Variants in ANKRD36B observed in about 807,000 individuals in gnomAD.
ANKRD36B encodes ankyrin repeat domain-containing protein 36B.
A neutral mutation model predicts 135.7 loss-of-function variants in ANKRD36B; 37 were observed. The observed-to-expected ratio is 0.27, with a 90% confidence interval of 0.21 to 0.36. The LOEUF (loss-of-function observed/expected upper bound fraction) is 0.36, where lower values mean the gene tolerates loss of function less well. Among genes scored for constraint, ANKRD36B ranks in the 10% least tolerant of loss-of-function variants. ANKRD36B has a pLI of 1.00. For synonymous variants in ANKRD36B, 179 were observed against 348.1 expected (o/e 0.51, Z 5.41); for missense variants, 549 against 1,037.1 (o/e 0.53, Z 6.46).
At position 97,551,297 on chromosome 2, in the gene ANKRD36B, G is replaced by A. The variant is rs1298319759; in HGVS notation, c.1367C>T (p.Ser456Phe). 7 of 1,561,246 alleles carry A rather than the reference G, an allele frequency of 4.5e-6. No individual in the cohort carries two copies. Among genetic ancestry groups the A allele is most frequent in the African/African-American group, 1.4e-5 (1 of 73,616 alleles). ...GTGTTTCGCAAAATTACCTGTCCTA[G>A]ATATTTCTCCATCCTTTTTTTCTCT... ...ITREKKDGEISRTVSSQKPPA... is the reference protein window; with the variant it reads ...ITREKKDGEIFRTVSSQKPPA... The change falls in exon 18 of 44, where the codon TCT becomes TTT. Residue 456 changes from serine to phenylalanine, a missense_variant. Physicochemically the swap from Ser to Phe is radical, Grantham distance 155. Transcript: ENST00000359901.
Position 97,553,201 on chromosome 2 carries a change from T to C in ANKRD36B, c.1240A>G (p.Thr414Ala). 6.2e-7 allele frequency: 1 copy of C among 1,611,428 alleles called. No individual in the cohort carries two copies. Among genetic ancestry groups the C allele is most frequent in the East Asian group, 2.2e-5 (1 of 44,716 alleles). The change falls in exon 16 of 44, where the codon ACA becomes GCA. Residue 414 changes from threonine to alanine, a missense_variant. Physicochemically the swap from Thr to Ala is moderately conservative, Grantham distance 58. Transcript: ENST00000359901. ...GATTTTTCTCCATCCTTTATTTCTGTGGCTATATTAGAAACAGAACCTTCC... is the reference window on the plus strand; with the variant it reads ...GATTTTTCTCCATCCTTTATTTCTGCGGCTATATTAGAAACAGAACCTTCC... ...DEEGSVSNIA[T>A]EIKDGEKSGT...
Position 97,541,151 on chromosome 2 carries a change from T to C in ANKRD36B, c.1885+760A>G, listed in dbSNP as rs185737316. On this transcript the variant is annotated intron_variant, in intron 28 of 43. Coordinates refer to ENST00000359901, the MANE Select transcript of ANKRD36B (RefSeq NM_001393939.1). The stretch of plus-strand genomic sequence containing the variant: ...ATAGCTATTTTACCCAAGAGTTAGC[T>C]CCTTGAACAACGAAGCCAATGTATT... Among the ~76,000 whole-genome samples the C allele has an allele frequency of 2.6e-4, 25 of 96,708 alleles. 7 individuals carry two copies. Among genetic ancestry groups the C allele is most frequent in the Middle Eastern group, 0.01 (2 of 192 alleles). The allele number at this position is 96,708 out of a possible 152,430, so 63.4% of individuals were successfully genotyped here.
At chr2:97,587,810 G>C (rs2083123811) in intron 1 of ANKRD36B, among the ~76,000 whole-genome samples, 1 of 139,808 alleles carries the variant, frequency 7.2e-6, no homozygotes, top group African/African-American at 2.5e-5. Context: ...CTTGTGGATA[G>C]AAAACAGTAT....
intron 43 of ANKRD36B, among the ~76,000 whole-genome samples, chr2:97,494,181 C>G (rs1337612659): frequency 9.9e-6 from 1 of 100,604 alleles, no homozygotes; most frequent in South Asian, 2.2e-4. Flanking sequence ...CAGAAAAGAG[C>G]AACACGGAAA....
intron 3 of ANKRD36B, among the ~76,000 whole-genome samples, chr2:97,581,842 AC>A (rs1559244334): frequency 6.6e-6 from 1 of 152,118 alleles, no homozygotes; most frequent in African/African-American, 2.4e-5. Context: ...TCGCTCTGTC[AC>A]CCAGGCTGGA....
chr2:97,575,681 TAAAA>T (rs567541262), intron 6 of ANKRD36B, among the ~76,000 whole-genome samples: 2 of 150,264 alleles, frequency 1.3e-5, no homozygotes, highest in South Asian at 4.2e-4. Flanking sequence ...TTTTTATAAA[TAAAA>T]AATTAAGTAA....
chr2:97,575,981 G>C (rs1234009398), intron 6 of ANKRD36B, among the ~76,000 whole-genome samples: 2 of 150,432 alleles, frequency 1.3e-5, no homozygotes, highest in African/African-American at 4.9e-5. Flanking sequence ...GTTGTTCAAG[G>C]GCCAACTGTA....
chr2:97,583,035 C>G lies in ANKRD36B; in HGVS notation c.450+1909G>C, dbSNP rs192670684. Reference sequence around the variant, plus strand: ...CAGAAATAAAAATACAATGGCTTATCAATTAAAGCTCTAATAATGACCTAT... The same window carrying G: ...CAGAAATAAAAATACAATGGCTTATGAATTAAAGCTCTAATAATGACCTAT... On this transcript the variant is annotated intron_variant, in intron 3 of 43. Transcript: ENST00000359901. Among the ~76,000 whole-genome samples, 35 of 151,216 alleles carry G rather than the reference C, an allele frequency of 2.3e-4. No homozygotes were observed. In the East Asian group the frequency reaches 6.4e-3, roughly 28 times the overall value.
At chr2:97,556,501 A>G (rs2080536845) in intron 12 of ANKRD36B, among the ~76,000 whole-genome samples, 1 of 151,848 alleles carries the variant, frequency 6.6e-6, no homozygotes, top group Non-Finnish European at 1.5e-5. Context: ...AATAGTTACT[A>G]CATCAGTGGT....
At position 97,529,417 on chromosome 2, in the gene ANKRD36B, GCTAT is replaced by G. The variant is rs1380586239; in HGVS notation, c.2265+2890_2265+2893del. On this transcript the variant is annotated intron_variant, in intron 35 of 43. Transcript: ENST00000359901. Reference sequence around the variant, plus strand: ...TGGGACGTATCTCAAAATAATAAGAGCTATCTATGACAAACCCACAGCCAATATC... The same window carrying G: ...TGGGACGTATCTCAAAATAATAAGAGCTATGACAAACCCACAGCCAATATC... Among the ~76,000 whole-genome samples the G allele has an allele frequency of 3.3e-5, 3 of 91,534 alleles. 1 individual carries two copies. Among genetic ancestry groups the G allele is most frequent in the Non-Finnish European group, 8.7e-5 (3 of 34,658 alleles). 60.0% of individuals were successfully genotyped at this position (91,534 alleles called of 152,430 possible). A position where few individuals can be genotyped will look rare whatever the true frequency, so the allele number is the denominator to read the frequency against.
At chr2:97,584,774 TTTAAAAG>T in intron 3 of ANKRD36B, among the ~76,000 whole-genome samples, 163 bp downstream of exon 3, 1 of 139,170 alleles carries the variant, frequency 7.2e-6, no homozygotes. Context: ...ATAATGCTTC[TTTAAAAG>T]TTCCAATATT....
At chr2:97,582,795 G>A (rs2922619) in intron 3 of ANKRD36B, among the ~76,000 whole-genome samples, 4 of 151,956 alleles carry the variant, frequency 2.6e-5, no homozygotes, top group South Asian at 2.1e-4. Context: ...GCCCAAGAAT[G>A]CAATAAAAAT....
chr2:97,558,507 G>A (rs1471459870), intron 10 of ANKRD36B, among the ~76,000 whole-genome samples: 1 of 151,818 alleles, frequency 6.6e-6, no homozygotes, highest in African/African-American at 2.4e-5. Flanking sequence ...TCCTCCCTTG[G>A]TGAAAACATG....
At chr2:97,494,613 G>A (rs2077284279) in intron 43 of ANKRD36B, among the ~76,000 whole-genome samples, 1 of 105,548 alleles carries the variant, frequency 9.5e-6, no homozygotes. Flanking sequence ...TATTTGGAGG[G>A]TACAAATTTG....
intron 6 of ANKRD36B, among the ~76,000 whole-genome samples, chr2:97,568,726 T>C (rs1171312781): frequency 3.3e-5 from 5 of 152,014 alleles, no homozygotes; most frequent in Admixed American, 2.0e-4. Context: ...AAAATATATA[T>C]AAAGGAACCA....
intron 6 of ANKRD36B, among the ~76,000 whole-genome samples, chr2:97,570,086 A>G (rs1233882955): frequency 6.6e-6 from 1 of 152,228 alleles, no homozygotes. Flanking sequence ...TAATCGAATA[A>G]GAACAGATTA....
chr2:97,516,287 C>A (rs1242210110), intron 36 of ANKRD36B, among the ~76,000 whole-genome samples: 1 of 24,074 alleles, frequency 4.2e-5, no homozygotes, highest in East Asian at 6.6e-4. Context: ...GGAAGAGATG[C>A]TACACTGAGA....
chr2:97,561,853 C>T (rs892676713), intron 6 of ANKRD36B, among the ~76,000 whole-genome samples: 5 of 151,858 alleles, frequency 3.3e-5, no homozygotes, highest in Admixed American at 6.6e-5. Context: ...AAAACATATA[C>T]CTCTGGTGCC....
intron 34 of ANKRD36B, among the ~76,000 whole-genome samples, chr2:97,535,831 C>T (rs1457525750): frequency 2.1e-5 from 2 of 93,912 alleles, no homozygotes; most frequent in Admixed American, 1.9e-4. Context: ...TTTGGGAGGG[C>T]GAGGCGGGAG....
Sources: allele counts gnomAD v4.1 joint callset (sites outside exome capture counted in the v4.1 genomes callset), GRCh38; gene constraint gnomAD v4.1.1; transcripts MANE v1.5; gene names NCBI Gene and HGNC (gene_info 2026-07-23, HGNC 2026-07-21).